Variants in DALRD3 observed in about 807,000 individuals in gnomAD.
DALRD3 encodes the protein DALR anticodon-binding domain-containing protein 3.
Under a neutral mutation model 56.7 loss-of-function variants are expected in DALRD3, and 47 were observed. The ratio of observed to expected loss-of-function variants is 0.83; its 90% CI spans 0.66 to 1.06. DALRD3 has a LOEUF of 1.06. DALRD3 is among the 50% of genes least tolerant of loss of function. The probability of loss-of-function intolerance (pLI) is 0.00; values close to 1 mark genes in which losing one functional copy is unlikely to be tolerated. For missense variants in DALRD3, 787 were observed against 724.0 expected (o/e 1.09, Z -1.00); for synonymous variants, 347 against 308.5 (o/e 1.12, Z -1.31).
In DALRD3 at chr3:49,015,607, G is replaced by C; in HGVS notation, c.1613C>G (p.Pro538Arg). 1 of 1,614,172 alleles carries C rather than the reference G, an allele frequency of 6.2e-7. No homozygotes were observed. Among genetic ancestry groups the C allele is most frequent in the Non-Finnish European group, 8.5e-7 (1 of 1,180,042 alleles). Reference protein sequence around the residue: ...LHTGLAMLGLPPLSHI With the variant: ...LHTGLAMLGLRPLSHI Reference sequence around the variant, plus strand: ...GTGGCCTTAAATGTGGCTCAGTGGAGGGAGACCCAGCATAGCCAGGCCAGT... The same window carrying C: ...GTGGCCTTAAATGTGGCTCAGTGGACGGAGACCCAGCATAGCCAGGCCAGT... Residue 538 changes from proline (P) to arginine (R), a missense_variant, in exon 12 of 12, where the codon CCT becomes CGT. Physicochemically the swap from Pro to Arg is moderately radical, Grantham distance 103 (BLOSUM62 -2). Transcript: ENST00000341949.
At chr3:49,018,719 C>T (rs752509426), upstream of DALRD3, 254 of 1,396,802 alleles carry the variant, frequency 1.8e-4, no homozygotes, top group Non-Finnish European at 2.2e-4. Flanking sequence ...ACCTACCGCC[C>T]CCAGCGCCCC....
At chr3:49,016,569 C>G in intron 7 of DALRD3, 43 bp downstream of exon 7, 1 of 1,595,496 alleles carries the variant, frequency 6.3e-7, no homozygotes, top group Non-Finnish European at 8.5e-7. Flanking sequence ...ATGCAAAAAA[C>G]CTGCCCCTAA....
chr3:49,019,977 C>T (rs1212112520), upstream of DALRD3, among the ~76,000 whole-genome samples: 1 of 152,164 alleles, frequency 6.6e-6, no homozygotes, highest in Non-Finnish European at 1.5e-5. Flanking sequence ...TCCCAAATGT[C>T]TTCATTTCAC....
chr3:49,017,162 G>C, intron 5 of DALRD3, 66 bp downstream of exon 5: 1 of 1,609,426 alleles, frequency 6.2e-7, no homozygotes, highest in Non-Finnish European at 8.5e-7. Flanking sequence ...CCCTCGGTGG[G>C]TTTTCAAGGG....
At chr3:49,019,355 G>A (rs1218150729), upstream of DALRD3, among the ~76,000 whole-genome samples, 1 of 152,160 alleles carries the variant, frequency 6.6e-6, no homozygotes, top group Non-Finnish European at 1.5e-5. Context: ...ACAGGCATCA[G>A]CCACTGCACC....
At chr3:49,021,344 G>C (rs2106763517), upstream of DALRD3, 1 of 152,726 alleles carries the variant, frequency 6.5e-6, no homozygotes, top group Admixed American at 6.5e-5. This position sits in a 1 kb window ranked among gnomAD's most constrained non-coding sequence, Gnocchi z 4.1. Context: ...CCTTGACTTG[G>C]ATCAAGACGG....
At position 49,016,512 on chromosome 3, in the gene DALRD3, C is replaced by T. The variant is rs2093074177; in HGVS notation, c.1064-1G>A. 1.9e-6 allele frequency: 3 copies of T among 1,613,570 alleles called. No individual in the cohort carries two copies. The highest frequency in any genetic ancestry group is 2.5e-6 in the Non-Finnish European group (3 of 1,179,766). Reference sequence around the variant, plus strand: ...CCAAAGATCTCTGTCCAGGCTGGGTCTGAGGGAGTATAGGGTTGGTCAGTC... The same window carrying T: ...CCAAAGATCTCTGTCCAGGCTGGGTTTGAGGGAGTATAGGGTTGGTCAGTC... On this transcript the variant is annotated splice_acceptor_variant, in intron 7 of 11. Coordinates refer to ENST00000341949, the MANE Select transcript of DALRD3 (RefSeq NM_001009996.3). LOFTEE classifies it high-confidence loss of function.
chr3:49,016,925 C>T (rs1390874954), intron 5 of DALRD3, 78 bp from the exon 6 acceptor site: 42 of 1,528,710 alleles, frequency 2.7e-5, no homozygotes, highest in Non-Finnish European at 3.8e-5. Flanking sequence ...AAATCTGGTG[C>T]CTCTACTCAG....
chr3:49,018,608 G>A (rs1392906521), upstream of DALRD3: 21 of 1,504,218 alleles, frequency 1.4e-5, no homozygotes, highest in Non-Finnish European at 1.7e-5. Context: ...AATTTAGGGA[G>A]GTGGAACTTC....
rs768899461 is a variant in DALRD3 at position 49,018,523 on chromosome 3, G to A, written c.42C>T (p.Ala14=). The part of the protein sequence containing the change: ...RRLGVGETLG[A]LNAALGPGGP... ...CGCCTGGCCCCAGGGCCGCGTTGAG[G>A]GCCCCCAGCGTCTCCCCGACCCCAA... The change falls in exon 1 of 12, where the codon GCC becomes GCT. Residue 14 remains alanine, a synonymous_variant. Coordinates refer to ENST00000341949, the MANE Select transcript of DALRD3 (RefSeq NM_001009996.3). The A allele has an allele frequency of 3.3e-5, 52 of 1,583,880 alleles. No individual in the cohort carries two copies. The highest frequency in any genetic ancestry group is 4.4e-5 in the Non-Finnish European group (51 of 1,165,026).
upstream of DALRD3, chr3:49,018,676 G>A (rs933489753): frequency 7.0e-7 from 1 of 1,427,734 alleles, no homozygotes; most frequent in Middle Eastern, 2.2e-4. Flanking sequence ...AAGTGGACAG[G>A]TGCGCCAGTG....
At chr3:49,017,980 G>C (rs755934243) in intron 2 of DALRD3, 43 bp downstream of exon 2, 1 of 1,486,502 alleles carries the variant, frequency 6.7e-7, no homozygotes, top group Non-Finnish European at 8.9e-7. Context: ...CTAGGTACCC[G>C]GCAGTCCCAC....
At chr3:49,016,587 CAT>C (rs2093076693) in intron 7 of DALRD3, 23 bp downstream of exon 7, 1 of 1,588,322 alleles carries the variant, frequency 6.3e-7, no homozygotes, top group African/African-American at 1.3e-5. Context: ...TAACCCAGAA[CAT>C]AGCCAGGGTT....
In DALRD3 at chr3:49,016,440, G is replaced by A. The variant is rs2093073270; in HGVS notation, c.1135C>T (p.Pro379Ser). 5 of 1,613,744 alleles carry A rather than the reference G, an allele frequency of 3.1e-6. No homozygotes were observed. The East Asian group carries it at 1.1e-4, about 36-fold the overall frequency. Residue 379 changes from proline to serine, a missense_variant, in exon 8 of 12, where the codon CCA becomes TCA. Transcript: ENST00000341949. ...GCTCCCAGGCTCACCTGACTCTGTG[G>A]GGCTGTGCTCAGCATCTCAAACTTG... Reference protein sequence around the residue: ...TIKFEMLSTAPQSQLFLALAD... With the variant: ...TIKFEMLSTASQSQLFLALAD...
chr3:49,017,817 G>A lies in DALRD3; in HGVS notation c.514C>T (p.Leu172=). The change falls in exon 3 of 12, where the codon CTG becomes TTG. Residue 172 remains leucine (L), a synonymous_variant. Coordinates refer to ENST00000341949, the MANE Select transcript of DALRD3 (RefSeq NM_001009996.3). The part of the protein sequence containing the change: ...AVRDPHMLTF[L]QQLRVDWPAA... ...GGCCAGTCCACCCGCAGTTGCTGCAGGAAGGTCAGCATGTGCGGATCCCGC... is the reference window on the plus strand; with the variant it reads ...GGCCAGTCCACCCGCAGTTGCTGCAAGAAGGTCAGCATGTGCGGATCCCGC... 1 of 1,611,678 alleles carries A rather than the reference G, an allele frequency of 6.2e-7. No individual in the cohort carries two copies. Among genetic ancestry groups the A allele is most frequent in the Non-Finnish European group, 8.5e-7 (1 of 1,179,970 alleles).
upstream of DALRD3, among the ~76,000 whole-genome samples, chr3:49,019,662 AG>A (rs2093135197): frequency 6.6e-6 from 1 of 151,932 alleles, no homozygotes; most frequent in Non-Finnish European, 1.5e-5. Flanking sequence ...TATTTTTAAT[AG>A]AGACGGGGTT....
intron 3 of DALRD3, 44 bp from the exon 4 acceptor site, chr3:49,017,557 G>C (rs2093102418): frequency 6.2e-7 from 1 of 1,614,146 alleles, no homozygotes; most frequent in Middle Eastern, 1.6e-4. Flanking sequence ...AAGAAGCAGA[G>C]ATGTGCCCCT....
chr3:49,020,483 A>C (rs1575299928), upstream of DALRD3: 1 of 387,314 alleles, frequency 2.6e-6, no homozygotes, highest in Admixed American at 3.1e-5. Flanking sequence ...AGAGATGGCC[A>C]CCAGCCTCGG....
Position 49,018,445 on chromosome 3 carries a change from A to G in DALRD3, c.120T>C (p.Phe40=). 1 of 1,588,972 alleles carries G rather than the reference A, an allele frequency of 6.3e-7. No homozygotes were observed. The highest frequency in any genetic ancestry group is 8.6e-7 in the Non-Finnish European group (1 of 1,168,296). The change falls in exon 1 of 12, where the codon TTT becomes TTC. Residue 40 remains phenylalanine (F), a synonymous_variant. Coordinates refer to ENST00000341949, the MANE Select transcript of DALRD3 (RefSeq NM_001009996.3). ...TRTRHLRSRD[F]LAPHRALQAR... Reference sequence around the variant, plus strand: ...CCTGCAGCGCGCGGTGCGGTGCCAGAAAGTCTCGGGAACGCAGGTGGCGGG... The same window carrying G: ...CCTGCAGCGCGCGGTGCGGTGCCAGGAAGTCTCGGGAACGCAGGTGGCGGG...
Sources: gnomAD v4.1 joint callset for allele counts (sites outside exome capture counted in the v4.1 genomes callset) on GRCh38, gnomAD v4.1.1 for gene constraint, Gnocchi (gnomAD v3.1) non-coding constraint, MANE v1.5 for transcripts, NCBI Gene and HGNC (gene_info 2026-07-23, HGNC 2026-07-21) for gene names.